The following EIF3A variants were observed in gnomAD, a reference collection of about 807,000 sequenced individuals.
EIF3A encodes EIF3, p180 subunit.
A neutral mutation model predicts 186.6 loss-of-function variants in EIF3A; 21 were observed. The ratio of observed to expected loss-of-function variants is 0.11; its 90% CI spans 0.08 to 0.16. The LOEUF is 0.16. Among genes scored for constraint, EIF3A ranks in the 10% least tolerant of loss-of-function variants. The pLI is 1.00. For missense variants in EIF3A, 1,306 were observed against 1,796.3 expected, an observed-to-expected ratio of 0.73 and a Z score of 4.93; for synonymous variants, 563 against 584.3, an observed-to-expected ratio of 0.96 and a Z score of 0.52.
intron 6 of EIF3A, among the ~76,000 whole-genome samples, chr10:119,069,074 G>A (rs563173487): frequency 1.1e-4 from 16 of 152,000 alleles, no homozygotes; most frequent in South Asian, 1.0e-3. Context: ...AAGCTCATCC[G>A]TTAAATGTGT....
rs1196035001 is a variant in EIF3A, at chr10:119,069,641, G to A, written c.755C>T (p.Ala252Val). The change falls in exon 6 of 22, where the codon GCT becomes GTT. Residue 252 changes from alanine to valine, a missense_variant. Physicochemically the swap from Ala to Val is moderately conservative, Grantham distance 64. Around this residue, in one of 8 missense-constraint regions of EIF3A, gnomAD observed 267 missense variants for 367.8 expected, o/e 0.73. Coordinates refer to ENST00000369144, the MANE Select transcript of EIF3A (RefSeq NM_003750.4). ...SMELWQEAFK[A>V]VEDIHGLFSL... ...GAATAGCCCGTGAATATCTTCCACA[G>A]CTTTGAATGCTTCCTAAAATTAGGA... The A allele has an allele frequency of 3.2e-6, 5 of 1,562,056 alleles. No homozygotes were observed. In the Admixed American group the frequency reaches 5.0e-5, roughly 16 times the overall value.
intron 20 of EIF3A, among the ~76,000 whole-genome samples, chr10:119,037,806 GGACT>G (rs1848153639): frequency 1.3e-5 from 2 of 151,976 alleles, no homozygotes; most frequent in Admixed American, 6.6e-5. Flanking sequence ...TAAAAGCAAC[GGACT>G]GACAAAGATG....
At chr10:119,078,850 T>G (rs1418583693) in intron 1 of EIF3A, among the ~76,000 whole-genome samples, 5 of 152,148 alleles carry the variant, frequency 3.3e-5, no homozygotes, top group Middle Eastern at 3.4e-3. Flanking sequence ...GAAGTTCTTA[T>G]GAAGGTTCCA....
chr10:119,075,291 G>A lies in EIF3A; in HGVS notation c.50-1354C>T, dbSNP rs554260386. On this transcript the variant is annotated intron_variant, in intron 1 of 21. Transcript: ENST00000369144. Reference sequence around the variant, plus strand: ...TATTCTTTTGAATTTATTATCCCCTGAGCCCGAAGGCATTCTATGTGGTAA... The same window carrying A: ...TATTCTTTTGAATTTATTATCCCCTAAGCCCGAAGGCATTCTATGTGGTAA... Among the ~76,000 whole-genome samples, 7 of 152,060 alleles carry A rather than the reference G, an allele frequency of 4.6e-5. No homozygotes were observed. In the South Asian group the frequency reaches 1.5e-3, roughly 32 times the overall value.
In EIF3A at chr10:119,065,427, G is replaced by A. The variant is rs886164216; in HGVS notation, c.1094C>T (p.Pro365Leu). The A allele has an allele frequency of 4.3e-6, 7 of 1,613,138 alleles. No homozygotes were observed. The Admixed American group carries it at 6.7e-5, about 15-fold the overall frequency. ...LATLLGLQAP[P>L]TRIGLINDMV... ...ATCATTAATAAGGCCAATTCGTGTCGGTGGGGCTTGAAGACCTAGTAGTGT... is the reference window on the plus strand; with the variant it reads ...ATCATTAATAAGGCCAATTCGTGTCAGTGGGGCTTGAAGACCTAGTAGTGT... Residue 365 changes from proline to leucine, a missense_variant, in exon 7 of 22, where the codon CCG becomes CTG. Transcript: ENST00000369144.
chr10:119,071,127 T>C (rs766327443), intron 4 of EIF3A, 42 bp from the exon 5 acceptor site: 20 of 1,346,048 alleles, frequency 1.5e-5, no homozygotes, highest in Non-Finnish European at 2.1e-5. Flanking sequence ...CCTTCCACTA[T>C]CTACTTAAAT....
chr10:119,080,748 G>A lies in EIF3A; in HGVS notation c.-72C>T, dbSNP rs546569393. 2.0e-6 allele frequency: 3 copies of A among 1,538,126 alleles called. No individual in the cohort carries two copies. Among genetic ancestry groups the A allele is most frequent in the East Asian group, 5.1e-5 (2 of 39,068 alleles). Reference sequence around the variant, plus strand: ...GCCCGGGCCGGGAGAGGAGACGAAGGGGAACCAGCGTAAGGTCCCACGCGC... The same window carrying A: ...GCCCGGGCCGGGAGAGGAGACGAAGAGGAACCAGCGTAAGGTCCCACGCGC... On this transcript the variant is annotated 5_prime_UTR_variant, in exon 1 of 22. Transcript: ENST00000369144.
chr10:119,062,895 G>A (rs960917468), intron 7 of EIF3A, among the ~76,000 whole-genome samples: 2 of 151,552 alleles, frequency 1.3e-5, no homozygotes. Context: ...TTACACGCAT[G>A]CACCACAATG....
intron 6 of EIF3A, among the ~76,000 whole-genome samples, chr10:119,068,775 C>T (rs900688686): frequency 6.6e-6 from 1 of 151,710 alleles, no homozygotes; most frequent in African/African-American, 2.4e-5. Context: ...GGAGTGGAGA[C>T]CAGCCTGGCC....
At chr10:119,065,301 G>A (rs1433806640) in intron 7 of EIF3A, 98 bp downstream of exon 7, 2 of 904,578 alleles carry the variant, frequency 2.2e-6, no homozygotes, top group Non-Finnish European at 3.5e-6. Flanking sequence ...AGAACCCTTG[G>A]CACTGAATCA....
intron 1 of EIF3A, among the ~76,000 whole-genome samples, chr10:119,079,994 A>AAAAAC (rs1235638921): frequency 3.3e-5 from 5 of 152,364 alleles, no homozygotes; most frequent in East Asian, 3.9e-4. Flanking sequence ...ATGAAAAAAC[A>AAAAAC]AAAACAAAAC....
At chr10:119,037,907 ATTTTTT>A (rs575308953) in intron 20 of EIF3A, among the ~76,000 whole-genome samples, 7 of 93,148 alleles carry the variant, frequency 7.5e-5, no homozygotes, top group East Asian at 3.6e-4. Context: ...TTAAGAGGGA[ATTTTTT>A]TTTTTTTTTT....
At chr10:119,039,895 T>C (rs1179279547) in intron 19 of EIF3A, among the ~76,000 whole-genome samples, 1 of 152,164 alleles carries the variant, frequency 6.6e-6, no homozygotes, top group African/African-American at 2.4e-5. Context: ...AAAAATATCA[T>C]GACTAGAAGC....
chr10:119,036,298 A>C (rs770255820), intron 21 of EIF3A, 30 bp from the exon 22 acceptor site: 1 of 1,465,692 alleles, frequency 6.8e-7, no homozygotes, highest in African/African-American at 1.4e-5. Flanking sequence ...AAAAAAAATT[A>C]AGTTAGTACT....
rs74157627 is a variant in EIF3A, at chr10:119,073,382, T to C, written c.377+59A>G. 2,252 of 1,285,908 alleles carry C rather than the reference T, an allele frequency of 1.8e-3. 28 individuals are homozygous for C. In the African/African-American group the frequency reaches 0.027, roughly 15 times the overall value. 79.7% of individuals were successfully genotyped at this position (1,285,908 alleles called of 1,614,324 possible). On this transcript the variant is annotated intron_variant, in intron 3 of 21. Coordinates refer to ENST00000369144, the MANE Select transcript of EIF3A (RefSeq NM_003750.4). ...TACTTCAAAAGGAAATGAAGACCCATGTAAAAGAAAACACCAAGTTAACTA... is the reference window on the plus strand; with the variant it reads ...TACTTCAAAAGGAAATGAAGACCCACGTAAAAGAAAACACCAAGTTAACTA...
chr10:119,058,028 A>G lies in EIF3A; in HGVS notation c.1905T>C (p.Thr635=). 6.2e-7 allele frequency: 1 copy of G among 1,614,188 alleles called. No individual in the cohort carries two copies. The highest frequency in any genetic ancestry group is 8.5e-7 in the Non-Finnish European group (1 of 1,180,026). ...LQEHEQIKKK[T]VRERLEQIKK... is the part of the protein sequence containing the mutation. The stretch of plus-strand genomic sequence containing the variant: ...TGATCTGCTCCAAACGCTCTCGGAC[A>G]GTTTTCTTTTTGATTTGTTCATGTT... Residue 635 remains threonine (T), a synonymous_variant, in exon 12 of 22, where the codon ACT becomes ACC. Coordinates refer to ENST00000369144, the MANE Select transcript of EIF3A (RefSeq NM_003750.4).
chr10:119,072,477 C>CA (rs1350560913), intron 4 of EIF3A, among the ~76,000 whole-genome samples: 1 of 151,084 alleles, frequency 6.6e-6, no homozygotes, highest in Non-Finnish European at 1.5e-5. Context: ...TGTTTTGAGA[C>CA]AGAGTCTTGC....
At chr10:119,078,052 T>C (rs1844205012) in intron 1 of EIF3A, among the ~76,000 whole-genome samples, 1 of 152,204 alleles carries the variant, frequency 6.6e-6, no homozygotes, top group African/African-American at 2.4e-5. Context: ...ACTGAAAGTA[T>C]GTATAAAGAA....
chr10:119,075,398 T>C (rs192347444), intron 1 of EIF3A, among the ~76,000 whole-genome samples: 3 of 152,202 alleles, frequency 2.0e-5, no homozygotes, highest in African/African-American at 7.2e-5. Flanking sequence ...CCTTTGCCAT[T>C]ACATTATTTC....
Sources: gnomAD v4.1 joint callset for allele counts (sites outside exome capture counted in the v4.1 genomes callset) on GRCh38, gnomAD v4.1.1 for gene constraint, gnomAD v4.1.1 regional missense constraint, MANE v1.5 for transcripts, NCBI Gene and HGNC (gene_info 2026-07-23, HGNC 2026-07-21) for gene names.